GOLGB1: variants seen among roughly 807,000 people sequenced by gnomAD.
GOLGB1 encodes golgin B1, also known as golgin subfamily B member 1.
A neutral mutation model predicts 336.9 loss-of-function variants in GOLGB1; 174 were observed. The observed-to-expected ratio is 0.52, with a 90% CI of 0.46 to 0.59. GOLGB1 has a LOEUF of 0.59. Ranked by LOEUF, GOLGB1 falls within the 20% of genes least tolerant of loss-of-function variation. The pLI is 0.00. For synonymous variants in GOLGB1, 1,208 were observed against 1,289.2 expected, an observed-to-expected ratio of 0.94 and a Z score of 1.35; for missense variants, 3,331 against 3,645.3, an observed-to-expected ratio of 0.91 and a Z score of 2.22.
intron 6 of GOLGB1, 26 bp from the exon 7 acceptor site, chr3:121,719,794 T>C: frequency 6.3e-7 from 1 of 1,575,122 alleles, no homozygotes; most frequent in South Asian, 1.2e-5. Flanking sequence ...AGAGAAACTA[T>C]GCAAGTTACA....
At chr3:121,717,907 T>G (rs138734535) in intron 8 of GOLGB1, among the ~76,000 whole-genome samples, 1 of 152,358 alleles carries the variant, frequency 6.6e-6, no homozygotes, top group African/African-American at 2.4e-5. Context: ...TTCATTTGTT[T>G]CATATACATC....
rs779641750 is a variant in GOLGB1 at position 121,696,033 on chromosome 3, C to A, written c.4490G>T (p.Arg1497Leu). 3.1e-6 allele frequency: 5 copies of A among 1,614,034 alleles called. No homozygotes were observed. Among genetic ancestry groups the A allele is most frequent in the East Asian group, 2.2e-5 (1 of 44,884 alleles). Residue 1497 changes from arginine (R) to leucine (L), a missense_variant, in exon 13 of 22, where the codon CGA becomes CTA. Arg to Leu is a moderately radical substitution (Grantham distance 102). Coordinates refer to ENST00000614479, the MANE Select transcript of GOLGB1 (RefSeq NM_001366282.2). Reference protein sequence around the residue: ...QRKLQAALISRKEALKENKSL... With the variant: ...QRKLQAALISLKEALKENKSL... ...TTTGTTTTCTTTTAGTGCTTCTTTTCGGGAAATAAGGGCAGCTTGCAGTTT... is the reference window on the plus strand; with the variant it reads ...TTTGTTTTCTTTTAGTGCTTCTTTTAGGGAAATAAGGGCAGCTTGCAGTTT...
At chr3:121,724,983 A>G (rs1945471151) in intron 5 of GOLGB1, among the ~76,000 whole-genome samples, 1 of 152,232 alleles carries the variant, frequency 6.6e-6, no homozygotes, top group Admixed American at 6.5e-5. Context: ...CTAATTCTGC[A>G]GGCTCACAGA....
rs767030950 is a variant in GOLGB1 at position 121,717,073 on chromosome 3, C to G, written c.952G>C (p.Glu318Gln). 10 of 1,612,944 alleles carry G rather than the reference C, an allele frequency of 6.2e-6. No individual in the cohort carries two copies. The highest frequency in any genetic ancestry group is 8.5e-6 in the Non-Finnish European group (10 of 1,178,904). The change falls in exon 9 of 22, where the codon GAA (glutamate) becomes CAA (glutamine). Residue 318 changes from glutamate (E) to glutamine (Q), a missense_variant. Coordinates refer to ENST00000614479, the MANE Select transcript of GOLGB1 (RefSeq NM_001366282.2). ...HNTLRNTVET[E>Q]REESKILLEK... Reference sequence around the variant, plus strand: ...AGTAGAATCTTGGACTCCTCTCTTTCTGTTTCCACAGTGTTCCTCAAAGTA... The same window carrying G: ...AGTAGAATCTTGGACTCCTCTCTTTGTGTTTCCACAGTGTTCCTCAAAGTA...
chr3:121,693,599 A>G, intron 13 of GOLGB1, 142 bp downstream of exon 13: 1 of 642,712 alleles, frequency 1.6e-6, no homozygotes, highest in Non-Finnish European at 2.7e-6. Context: ...GCCAAAAAAA[A>G]GTCAGAAGTG....
chr3:121,695,103 G>A lies in GOLGB1; in HGVS notation c.5420C>T (p.Ser1807Phe), dbSNP rs773913846. 2 of 1,613,862 alleles carry A rather than the reference G, an allele frequency of 1.2e-6. No individual in the cohort carries two copies. The highest frequency in any genetic ancestry group is 1.1e-5 in the South Asian group (1 of 91,070). The change falls in exon 13 of 22, where the codon TCT becomes TTT. Residue 1807 changes from serine to phenylalanine, a missense_variant. Ser to Phe is a radical substitution (Grantham distance 155). Coordinates refer to ENST00000614479, the MANE Select transcript of GOLGB1 (RefSeq NM_001366282.2). ...TGTAGGTCTTGTGCTCATACTCAGAGAGTCTTGCTCTTCAGTCTCACCTGG... is the reference window on the plus strand; with the variant it reads ...TGTAGGTCTTGTGCTCATACTCAGAAAGTCTTGCTCTTCAGTCTCACCTGG... ...SIPGETEEQDSLSMSTRPTCS... is the reference protein window; with the variant it reads ...SIPGETEEQDFLSMSTRPTCS...
intron 11 of GOLGB1, among the ~76,000 whole-genome samples, chr3:121,700,242 T>C (rs1453085769): frequency 6.6e-6 from 1 of 152,134 alleles, no homozygotes; most frequent in Non-Finnish European, 1.5e-5. Context: ...GTTTGTAATA[T>C]ATATTTTGCA....
chr3:121,664,454 A>C lies in GOLGB1; in HGVS notation c.*26T>G. On this transcript the variant is annotated 3_prime_UTR_variant, in exon 22 of 22. Transcript: ENST00000614479. ...TGAGAGAATTCCAAGTTTTGAGGGG[A>C]GTGGTCCAAAGAGTAACAACTAAGT... The C allele has an allele frequency of 6.2e-7, 1 of 1,600,330 alleles. No individual in the cohort carries two copies. Among genetic ancestry groups the C allele is most frequent in the Admixed American group, 1.7e-5 (1 of 59,962 alleles).
intron 14 of GOLGB1, among the ~76,000 whole-genome samples, chr3:121,688,217 G>A (rs1360055331): frequency 2.0e-5 from 3 of 151,796 alleles, no homozygotes; most frequent in African/African-American, 4.8e-5. Context: ...CTCTTTCCAC[G>A]GTCTCCCTCT....
Position 121,698,740 on chromosome 3 carries a change from G to T in GOLGB1, c.1783C>A (p.His595Asn), listed in dbSNP as rs1386254505. ...ATTTCTTTCTGGTCAAGGACCTCAT[G>T]ATCTGCTTCCTCAGCCCTTTTTCCC... Reference protein sequence around the residue: ...LQGKRAEEADHEVLDQKEMKQ... With the variant: ...LQGKRAEEADNEVLDQKEMKQ... Residue 595 changes from histidine (H) to asparagine (N), a missense_variant, in exon 13 of 22, where the codon CAT becomes AAT. By Grantham distance (68) the His-to-Asn change is moderately conservative. Transcript: ENST00000614479. 2.5e-6 allele frequency: 4 copies of T among 1,613,234 alleles called. No homozygotes were observed. The highest frequency in any genetic ancestry group is 1.7e-6 in the Non-Finnish European group (2 of 1,179,472).
In GOLGB1 at chr3:121,697,906, G is replaced by A. The variant is rs1270832519; in HGVS notation, c.2617C>T (p.Leu873Phe). 6.2e-7 allele frequency: 1 copy of A among 1,613,878 alleles called. No individual in the cohort carries two copies. The highest frequency in any genetic ancestry group is 1.3e-5 in the African/African-American group (1 of 74,900). The change falls in exon 13 of 22, where the codon CTT becomes TTT. Residue 873 changes from leucine (L) to phenylalanine (F), a missense_variant. Transcript: ENST00000614479. ...GTTATTTCAAGTTCCTTCTGTGAAA[G>A]AGCCTGGGACAGTTCTTCCACTTTA... is the stretch of plus-strand genomic sequence containing the variant. ...SSKVEELSQALSQKELEITKM... is the reference protein window; with the variant it reads ...SSKVEELSQAFSQKELEITKM...
rs1947350562 is a variant in GOLGB1, at chr3:121,747,151, T to TATAC, written c.-3+2480_-3+2481insGTAT. ...CCCTAAGATATATATACATGGATGT[T>TATAC]ATATATATATATATATATATATATA... On this transcript the variant is annotated intron_variant, in intron 1 of 21. Coordinates refer to ENST00000614479, the MANE Select transcript of GOLGB1 (RefSeq NM_001366282.2). 5.4e-4 allele frequency among the ~76,000 whole-genome samples: 4 copies of TATAC among 7,392 alleles called. No homozygotes were observed. The South Asian group carries it at 0.014, about 27-fold the overall frequency. 4.8% of individuals were successfully genotyped at this position (7,392 alleles called of 152,430 possible).
At chr3:121,746,390 C>T (rs1947284163) in intron 1 of GOLGB1, among the ~76,000 whole-genome samples, 2 of 152,260 alleles carry the variant, frequency 1.3e-5, no homozygotes, top group East Asian at 1.9e-4. Context: ...ACATACACAG[C>T]GTGACCTGCC....
intron 17 of GOLGB1, among the ~76,000 whole-genome samples, chr3:121,675,355 C>T (rs1040780870): frequency 1.3e-5 from 2 of 152,156 alleles, no homozygotes; most frequent in African/African-American, 2.4e-5. Flanking sequence ...ATATTACATA[C>T]GTGTTTTTAC....
At chr3:121,733,971 C>T (rs909181180) in intron 1 of GOLGB1, among the ~76,000 whole-genome samples, 14 of 152,002 alleles carry the variant, frequency 9.2e-5, no homozygotes, top group East Asian at 5.8e-4. Context: ...ATTTTTGTGA[C>T]GCTGAATTTG....
intron 14 of GOLGB1, among the ~76,000 whole-genome samples, chr3:121,686,262 C>T (rs967486033): frequency 2.0e-5 from 3 of 151,754 alleles, no homozygotes; most frequent in Admixed American, 2.0e-4. Flanking sequence ...ACTATAAATA[C>T]TGCAGTTCAT....
intron 1 of GOLGB1, among the ~76,000 whole-genome samples, chr3:121,736,414 G>T (rs1302040517): frequency 6.6e-6 from 1 of 152,094 alleles, no homozygotes; most frequent in Non-Finnish European, 1.5e-5. Flanking sequence ...GATGAGAAGG[G>T]TACTTTACCT....
intron 4 of GOLGB1, among the ~76,000 whole-genome samples, chr3:121,727,312 ATATATATAT>A (rs1429106769): frequency 8.4e-5 from 3 of 35,536 alleles, no homozygotes; most frequent in Non-Finnish European, 2.1e-4. Flanking sequence ...ATATATATAT[ATATATATAT>A]TTTTTTTTTT....
chr3:121,692,765 G>A (rs1423734548), intron 13 of GOLGB1, among the ~76,000 whole-genome samples, 184 bp from the exon 14 acceptor site: 1 of 152,168 alleles, frequency 6.6e-6, no homozygotes, highest in Non-Finnish European at 1.5e-5. Context: ...TGAGTGCTAT[G>A]TATTAAAGGT....
Sources: gnomAD v4.1 joint callset for allele counts (sites outside exome capture counted in the v4.1 genomes callset) on GRCh38, gnomAD v4.1.1 for gene constraint, MANE v1.5 for transcripts, NCBI Gene and HGNC (gene_info 2026-07-23, HGNC 2026-07-21) for gene names.